GALNTL6: variants seen among roughly 807,000 people sequenced by gnomAD.
GALNTL6 encodes the protein polypeptide N-acetylgalactosaminyltransferase like 6, also known as polypeptide N-acetylgalactosaminyltransferase-like 6.
In GALNTL6, 46 loss-of-function variants were observed where a neutral mutation model predicts 73.7. That is an observed-to-expected ratio of 0.62 (90% confidence interval 0.49 to 0.80). The LOEUF (loss-of-function observed/expected upper bound fraction) is 0.80. GALNTL6 is among the 30% of genes least tolerant of loss of function. The pLI, the probability that GALNTL6 is intolerant of heterozygous loss-of-function variation, is 0.00. For missense variants in GALNTL6, 604 were observed against 755.0 expected (o/e 0.80, Z 2.34); for synonymous variants, 259 against 263.7 (o/e 0.98, Z 0.17).
intron 5 of GALNTL6, among the ~76,000 whole-genome samples, chr4:172,796,813 G>A (rs973537904): frequency 6.6e-6 from 1 of 152,130 alleles, no homozygotes; most frequent in African/African-American, 2.4e-5. Flanking sequence ...CTTGGGAATA[G>A]GACCAATTCC....
chr4:172,386,632 C>G (rs1289813110), intron 5 of GALNTL6, among the ~76,000 whole-genome samples: 1 of 152,116 alleles, frequency 6.6e-6, no homozygotes, highest in Admixed American at 6.6e-5. Flanking sequence ...CAGCCTAAGT[C>G]TGAAAGCCTC....
chr4:172,849,497 T>C (rs1299109410), intron 7 of GALNTL6, among the ~76,000 whole-genome samples: 1 of 152,150 alleles, frequency 6.6e-6, no homozygotes, highest in Non-Finnish European at 1.5e-5. Context: ...AATGAATGAA[T>C]GAATGAATGG....
intron 2 of GALNTL6, among the ~76,000 whole-genome samples, chr4:172,167,819 C>T (rs893758209): frequency 4.1e-5 from 6 of 146,824 alleles, no homozygotes; most frequent in Non-Finnish European, 9.0e-5. Flanking sequence ...ATTAGCCGGG[C>T]GCGGTGGCGG....
intron 5 of GALNTL6, among the ~76,000 whole-genome samples, chr4:172,689,461 T>G (rs1733131652): frequency 6.6e-6 from 1 of 152,218 alleles, no homozygotes; most frequent in African/African-American, 2.4e-5. Context: ...TTTTGAAAAG[T>G]AAAATTTTAA....
chr4:172,348,379 A>C (rs1741827028), intron 4 of GALNTL6, 144 bp from the exon 5 acceptor site: 1 of 578,102 alleles, frequency 1.7e-6, no homozygotes, highest in South Asian at 2.7e-5. Flanking sequence ...GCAGGATAAC[A>C]ATCATGCTGT....
At chr4:173,031,487 G>A (rs974735639) in intron 12 of GALNTL6, among the ~76,000 whole-genome samples, 4 of 151,984 alleles carry the variant, frequency 2.6e-5, no homozygotes, top group South Asian at 2.1e-4. Context: ...CACTCTTTCC[G>A]GCATCTAAAA....
intron 2 of GALNTL6, among the ~76,000 whole-genome samples, chr4:172,174,730 C>T (rs1734938615): frequency 6.6e-6 from 1 of 152,002 alleles, no homozygotes; most frequent in Non-Finnish European, 1.5e-5. Context: ...CCTTCATATT[C>T]TAAGGAAGGC....
At chr4:172,953,250 C>A (rs1472615397) in intron 10 of GALNTL6, among the ~76,000 whole-genome samples, 1 of 152,192 alleles carries the variant, frequency 6.6e-6, no homozygotes, top group Non-Finnish European at 1.5e-5. Context: ...CGGTTCCATT[C>A]AATACTGTTG....
chr4:172,883,843 A>T (rs1304972231), intron 8 of GALNTL6, among the ~76,000 whole-genome samples: 1 of 142,702 alleles, frequency 7.0e-6, no homozygotes, highest in African/African-American at 2.7e-5. Flanking sequence ...TTCTACCTCC[A>T]TTAGACCAAC....
chr4:172,376,544 G>C (rs950340940), intron 5 of GALNTL6, among the ~76,000 whole-genome samples: 3 of 152,310 alleles, frequency 2.0e-5, no homozygotes, highest in Admixed American at 1.3e-4. Flanking sequence ...CCCTTTCTCA[G>C]AAAGCCTGAC....
intron 2 of GALNTL6, among the ~76,000 whole-genome samples, chr4:171,862,000 T>C (rs551621362): frequency 2.3e-4 from 35 of 152,318 alleles, no homozygotes; most frequent in South Asian, 4.1e-4. Context: ...AATGGTCTTA[T>C]ATGGAAGGTG....
chr4:172,546,917 G>A (rs1285624350), intron 5 of GALNTL6, among the ~76,000 whole-genome samples: 10 of 149,942 alleles, frequency 6.7e-5, no homozygotes, highest in Admixed American at 6.0e-4. Context: ...TCACATTGTT[G>A]TGCAGTCATC....
At chr4:172,681,045 T>C (rs1021200637) in intron 5 of GALNTL6, among the ~76,000 whole-genome samples, 4 of 152,178 alleles carry the variant, frequency 2.6e-5, no homozygotes, top group Non-Finnish European at 5.9e-5. Flanking sequence ...CTCAGCAGCA[T>C]CTTCCTTCTG....
At chr4:172,683,783 C>T (rs899816815) in intron 5 of GALNTL6, among the ~76,000 whole-genome samples, 8 of 152,058 alleles carry the variant, frequency 5.3e-5, no homozygotes, top group Admixed American at 2.0e-4. Context: ...ACTAAGCAGA[C>T]GGAGTTATTT....
chr4:172,879,096 C>T lies in GALNTL6; in HGVS notation c.924-3694C>T, dbSNP rs561418147. ...CAACAAAAAAGCCTGAACATTTATG[C>T]ACCTATTAAGAGAGCTACGGAAACA... On this transcript the variant is annotated intron_variant, in intron 7 of 12. Transcript: ENST00000506823. Among the ~76,000 whole-genome samples the T allele has an allele frequency of 9.9e-4, 151 of 151,864 alleles. 4 individuals carry two copies. The South Asian group carries it at 0.031, about 31-fold the overall frequency.
intron 2 of GALNTL6, among the ~76,000 whole-genome samples, chr4:172,205,564 G>A (rs1360518935): frequency 6.6e-6 from 1 of 152,164 alleles, no homozygotes; most frequent in African/African-American, 2.4e-5. Flanking sequence ...GGACAGTTCT[G>A]ACAAAGAAAA....
At chr4:172,448,484 T>G (rs1732103132) in intron 5 of GALNTL6, among the ~76,000 whole-genome samples, 1 of 152,174 alleles carries the variant, frequency 6.6e-6, no homozygotes, top group Admixed American at 6.6e-5. Flanking sequence ...GCTGACTGAT[T>G]TAGAACATTG....
intron 2 of GALNTL6, among the ~76,000 whole-genome samples, chr4:172,207,475 A>G (rs1282438349): frequency 1.3e-5 from 2 of 152,168 alleles, no homozygotes; most frequent in Non-Finnish European, 2.9e-5. Context: ...ATCAAAAGTT[A>G]TGTTTTGACA....
At chr4:172,466,113 G>T (rs1455615305) in intron 5 of GALNTL6, among the ~76,000 whole-genome samples, 2 of 152,160 alleles carry the variant, frequency 1.3e-5, no homozygotes, top group Admixed American at 1.3e-4. Flanking sequence ...TTGAAGGAAC[G>T]ATGAAATGAT....
Sources: gnomAD v4.1 joint callset for allele counts (sites outside exome capture counted in the v4.1 genomes callset) on GRCh38, gnomAD v4.1.1 for gene constraint, MANE v1.5 for transcripts, NCBI Gene and HGNC (gene_info 2026-07-23, HGNC 2026-07-21) for gene names.